The following NBEAL1 variants were observed in gnomAD, a reference collection of about 807,000 sequenced individuals.
The protein encoded by NBEAL1 is neurobeachin like 1.
In NBEAL1, 273 loss-of-function variants were observed where a neutral mutation model predicts 351.3. The observed-to-expected ratio is 0.78, with a 90% CI of 0.70 to 0.86. NBEAL1 has a LOEUF of 0.86. NBEAL1 is among the 40% of genes least tolerant of loss of function. The pLI is 0.00. For missense variants in NBEAL1, 2,961 were observed against 3,201.3 expected (o/e 0.92, Z 1.81); for synonymous variants, 1,050 against 1,086.4 (o/e 0.97, Z 0.66).
Position 203,210,992 on chromosome 2 carries a change from G to A in NBEAL1, c.7820G>A (p.Gly2607Asp), listed in dbSNP as rs1191657499. ...KNALHLFSIN[G>D]KYLGSQILKE... is the part of the protein sequence containing the mutation. ...GCATTACATCTGTTTTCTATAAATG[G>A]CAAGTATCTAGGGTCTCAAATCCTG... Residue 2607 changes from glycine to aspartate, a missense_variant, in exon 54 of 56, where the codon GGC becomes GAC. Physicochemically the swap from Gly to Asp is moderately conservative, Grantham distance 94. Coordinates refer to ENST00000683969, the MANE Select transcript of NBEAL1 (RefSeq NM_001378026.1). 4 of 1,591,706 alleles carry A rather than the reference G, an allele frequency of 2.5e-6. No homozygotes were observed. Among genetic ancestry groups the A allele is most frequent in the East Asian group, 2.3e-5 (1 of 44,414 alleles).
intron 2 of NBEAL1, chr2:203,040,038 T>C (rs946519646): frequency 1.3e-5 from 8 of 618,666 alleles, no homozygotes; most frequent in East Asian, 5.3e-5. Flanking sequence ...ATAGGCCTCA[T>C]TGAGAATATG....
In NBEAL1 at chr2:203,016,460, A is replaced by G. The variant is rs1351469802; in HGVS notation, c.51+25A>G. On this transcript the variant is annotated intron_variant, in intron 2 of 55. Transcript: ENST00000683969. Reference sequence around the variant, plus strand: ...GGTAATTGCTTTCCTTTTTATTTTTATGTTTTAAAATACTTTATTATAAAA... The same window carrying G: ...GGTAATTGCTTTCCTTTTTATTTTTGTGTTTTAAAATACTTTATTATAAAA... The G allele has an allele frequency of 2.9e-6, 4 of 1,366,680 alleles. No homozygotes were observed. The Admixed American group carries it at 7.1e-5, about 24-fold the overall frequency. 84.7% of individuals were successfully genotyped at this position (1,366,680 alleles called of 1,614,324 possible). A position where few individuals can be genotyped will look rare whatever the true frequency, so the allele number is the denominator to read the frequency against.
intron 4 of NBEAL1, among the ~76,000 whole-genome samples, chr2:203,053,393 T>G (rs910918864): frequency 1.8e-4 from 28 of 152,338 alleles, no homozygotes; most frequent in South Asian, 1.2e-3. Flanking sequence ...TCTATTTAGA[T>G]CTTTTGCTCA....
At chr2:203,040,529 G>T (rs1298550591) in intron 2 of NBEAL1, 2 of 670,992 alleles carry the variant, frequency 3.0e-6, no homozygotes, top group Admixed American at 1.8e-5. Context: ...GTGACCTGGG[G>T]ATTTCCAAAT....
intron 10 of NBEAL1, among the ~76,000 whole-genome samples, chr2:203,093,259 G>C (rs183216182): frequency 1.2e-5 from 1 of 86,464 alleles, no homozygotes; most frequent in Admixed American, 1.3e-4. Flanking sequence ...AAAAAAAAAA[G>C]AATCTGCTTT....
chr2:203,146,520 C>T (rs2063517542), intron 33 of NBEAL1, among the ~76,000 whole-genome samples: 1 of 152,052 alleles, frequency 6.6e-6, no homozygotes, highest in Non-Finnish European at 1.5e-5. Context: ...AGATCAAGCA[C>T]AGAGGCTTAT....
At chr2:203,120,544 A>T (rs896765763) in intron 18 of NBEAL1, among the ~76,000 whole-genome samples, 12 of 152,178 alleles carry the variant, frequency 7.9e-5, no homozygotes, top group African/African-American at 2.7e-4. Flanking sequence ...TCACCTAAAA[A>T]GGCATAGACT....
At chr2:203,159,133 G>C (rs1293331717) in intron 36 of NBEAL1, among the ~76,000 whole-genome samples, 1 of 152,024 alleles carries the variant, frequency 6.6e-6, no homozygotes, top group Non-Finnish European at 1.5e-5. Flanking sequence ...CAGCCCTCTA[G>C]TATTTCTAAT....
intron 35 of NBEAL1, among the ~76,000 whole-genome samples, chr2:203,156,224 G>A (rs183568598): frequency 4.6e-5 from 7 of 151,906 alleles, no homozygotes; most frequent in African/African-American, 1.7e-4. Flanking sequence ...AGCTCTTTAG[G>A]TACTGTGTCT....
chr2:203,021,556 C>T (rs750049553), intron 2 of NBEAL1, among the ~76,000 whole-genome samples: 21 of 151,658 alleles, frequency 1.4e-4, no homozygotes, highest in Non-Finnish European at 2.9e-4. Context: ...GATCGTGCCA[C>T]TACACTCCAG....
intron 45 of NBEAL1, 114 bp downstream of exon 45, chr2:203,188,703 A>T (rs368279353): frequency 1.7e-6 from 1 of 602,374 alleles, no homozygotes; most frequent in African/African-American, 1.8e-5. Context: ...TTTTAAAAAC[A>T]TCTTTTTACT....
chr2:203,068,604 C>T, intron 7 of NBEAL1, 129 bp downstream of exon 7: 1 of 478,240 alleles, frequency 2.1e-6, no homozygotes, highest in Non-Finnish European at 3.6e-6. Flanking sequence ...GAACATGTCA[C>T]TGGAGTAAGC....
intron 51 of NBEAL1, among the ~76,000 whole-genome samples, chr2:203,207,704 C>T (rs986773966): frequency 3.3e-5 from 5 of 152,172 alleles, no homozygotes; most frequent in African/African-American, 7.2e-5. Flanking sequence ...TAAACAGATG[C>T]TTGAAGGCAG....
At chr2:203,133,017 C>T in intron 26 of NBEAL1, 41 bp from the exon 27 acceptor site, 1 of 847,500 alleles carries the variant, frequency 1.2e-6, no homozygotes, top group Non-Finnish European at 1.9e-6. Flanking sequence ...CTTTGGTTAT[C>T]TCTGGTATTT....
intron 5 of NBEAL1, among the ~76,000 whole-genome samples, chr2:203,056,742 A>G (rs1324289093): frequency 6.6e-6 from 1 of 152,036 alleles, no homozygotes; most frequent in Non-Finnish European, 1.5e-5. Context: ...TAACTTTTGT[A>G]TTTTTAGTAG....
chr2:203,057,323 C>A lies in NBEAL1; in HGVS notation c.388-3C>A. On this transcript the variant is annotated splice_region_variant and splice_polypyrimidine_tract_variant and intron_variant, in intron 5 of 55. Transcript: ENST00000683969. ...TTTAATTTATGTTTAACTTTGTTCT[C>A]AGTTAAAAAGCAAAAAAAAAGAGAA... 1.3e-6 allele frequency: 2 copies of A among 1,544,122 alleles called. No homozygotes were observed. Among genetic ancestry groups the A allele is most frequent in the South Asian group, 1.2e-5 (1 of 83,262 alleles).
intron 49 of NBEAL1, among the ~76,000 whole-genome samples, chr2:203,200,989 C>T (rs1453540995): frequency 2.6e-5 from 4 of 152,146 alleles, no homozygotes; most frequent in Admixed American, 2.0e-4. Flanking sequence ...CACTGAGTTG[C>T]AATCACTTGT....
intron 33 of NBEAL1, 105 bp downstream of exon 33, chr2:203,145,265 TTTTA>T: frequency 1.0e-6 from 1 of 978,618 alleles, no homozygotes; most frequent in Non-Finnish European, 1.4e-6. Context: ...GCAGTATTTC[TTTTA>T]TTTGTCTAAA....
chr2:203,024,498 G>A (rs555262013), intron 2 of NBEAL1, among the ~76,000 whole-genome samples: 36 of 151,156 alleles, frequency 2.4e-4, no homozygotes, highest in Non-Finnish European at 4.3e-4. Flanking sequence ...GTTGCAGTGG[G>A]TCAAATTTGT....
Sources: allele counts gnomAD v4.1 joint callset (sites outside exome capture counted in the v4.1 genomes callset), GRCh38; gene constraint gnomAD v4.1.1; transcripts MANE v1.5; gene names NCBI Gene and HGNC (gene_info 2026-07-23, HGNC 2026-07-21).